Variants in METTL15 observed in about 807,000 individuals in gnomAD.
METTL15 encodes the protein methyltransferase 15, mitochondrial 12S rRNA N4-cytidine.
In METTL15, 34 loss-of-function variants were observed where a neutral mutation model predicts 38.3. The observed-to-expected ratio is 0.89, with a 90% CI of 0.68 to 1.18. METTL15 has a LOEUF of 1.18. Ranked by LOEUF, METTL15 falls within the 50% of genes most tolerant of loss-of-function variation. The pLI, the probability that METTL15 is intolerant of heterozygous loss-of-function variation, is 0.00. For missense variants in METTL15, 438 were observed against 498.4 expected (o/e 0.88, Z 1.15); for synonymous variants, 162 against 170.9 (o/e 0.95, Z 0.41).
At chr11:28,279,914 C>CAA (rs57284585) in intron 4 of METTL15, among the ~76,000 whole-genome samples, 3 of 81,666 alleles carry the variant, frequency 3.7e-5, no homozygotes, top group Non-Finnish European at 5.2e-5. Context: ...CAAAACAAAA[C>CAA]AAAAAAAAAA....
intron 3 of METTL15, among the ~76,000 whole-genome samples, chr11:28,119,080 G>GA (rs1852097648): frequency 6.6e-6 from 1 of 152,084 alleles, no homozygotes; most frequent in African/African-American, 2.4e-5. Flanking sequence ...CTTCAGGCCT[G>GA]GAGTCAGGTT....
At chr11:28,223,856 G>A (rs1158834091) in intron 4 of METTL15, among the ~76,000 whole-genome samples, 1 of 152,044 alleles carries the variant, frequency 6.6e-6, no homozygotes, top group Non-Finnish European at 1.5e-5. Context: ...TGAGGTGTTG[G>A]TTGACTTTTT....
At chr11:28,434,512 G>A (rs1850964336) in intron 6 of METTL15, among the ~76,000 whole-genome samples, 1 of 152,174 alleles carries the variant, frequency 6.6e-6, no homozygotes, top group Non-Finnish European at 1.5e-5. Context: ...TAAATTTAGA[G>A]ATGTCCATCT....
rs540205919 is a variant in METTL15 at position 28,330,761 on chromosome 11, G to T, written c.1144G>T (p.Val382Leu). 2 of 1,551,660 alleles carry T rather than the reference G, an allele frequency of 1.3e-6. No homozygotes were observed. The highest frequency in any genetic ancestry group is 1.4e-5 in the African/African-American group (1 of 73,046). Residue 382 changes from valine to leucine, a missense_variant, in exon 7 of 7, where the codon GTA becomes TTA. Coordinates refer to ENST00000407364, the MANE Select transcript of METTL15 (RefSeq NM_001113528.2). ...AATGTGGGAATTGATACACAAGAAG[G>T]TACTTAGTCCACAAGATCAGGATGT... ...PLMWELIHKK[V>L]LSPQDQDVQD...
At chr11:28,451,714 T>A (rs1467955670) in intron 6 of METTL15, among the ~76,000 whole-genome samples, 1 of 152,240 alleles carries the variant, frequency 6.6e-6, no homozygotes, top group Non-Finnish European at 1.5e-5. Context: ...TCGTTGGTGT[T>A]TCTGATGGCT....
chr11:28,383,769 A>G (rs974167270), intron 5 of METTL15, among the ~76,000 whole-genome samples: 19 of 151,982 alleles, frequency 1.3e-4, no homozygotes, highest in African/African-American at 4.6e-4. Flanking sequence ...CTTCTTTTCA[A>G]AAGTGTCTAT....
At chr11:28,495,086 T>C (rs955923583) in intron 6 of METTL15, among the ~76,000 whole-genome samples, 11 of 152,216 alleles carry the variant, frequency 7.2e-5, no homozygotes, top group African/African-American at 2.7e-4. Context: ...CTATTGTGCA[T>C]CTATTACATC....
intron 4 of METTL15, among the ~76,000 whole-genome samples, chr11:28,267,297 G>A (rs1269389072): frequency 6.6e-6 from 1 of 151,388 alleles, no homozygotes; most frequent in Non-Finnish European, 1.5e-5. Context: ...CCTCAAAATT[G>A]CCAGGCATGC....
intron 4 of METTL15, among the ~76,000 whole-genome samples, chr11:28,244,036 A>G (rs901202897): frequency 2.0e-5 from 3 of 152,180 alleles, no homozygotes; most frequent in African/African-American, 4.8e-5. Context: ...CTCAAAACAG[A>G]TGTTTTTTAA....
At chr11:28,380,052 A>G (rs1850364824) in intron 5 of METTL15, among the ~76,000 whole-genome samples, 1 of 151,986 alleles carries the variant, frequency 6.6e-6, no homozygotes, top group Non-Finnish European at 1.5e-5. Context: ...TTATTTCCAT[A>G]GAATATTTGT....
At chr11:28,322,871 C>T (rs1213718735) in intron 6 of METTL15, among the ~76,000 whole-genome samples, 1 of 152,170 alleles carries the variant, frequency 6.6e-6, no homozygotes, top group East Asian at 1.9e-4. Flanking sequence ...ATCTTATTTA[C>T]TATTGTGTTT....
intron 5 of METTL15, among the ~76,000 whole-genome samples, chr11:28,399,466 C>G (rs1850608525): frequency 6.6e-6 from 1 of 151,942 alleles, no homozygotes; most frequent in Non-Finnish European, 1.5e-5. Context: ...ATAAGACACA[C>G]TCATATTTGC....
chr11:28,219,176 G>T (rs1426263214), intron 4 of METTL15, among the ~76,000 whole-genome samples: 1 of 152,030 alleles, frequency 6.6e-6, no homozygotes, highest in Non-Finnish European at 1.5e-5. Flanking sequence ...TAGGCTGTGA[G>T]TCTGTCTGGT....
At chr11:28,514,338 G>T (rs1330484821) in intron 6 of METTL15, among the ~76,000 whole-genome samples, 1 of 152,166 alleles carries the variant, frequency 6.6e-6, no homozygotes, top group East Asian at 1.9e-4. Flanking sequence ...TGAATGATAT[G>T]ATATGTGTTT....
intron 6 of METTL15, among the ~76,000 whole-genome samples, chr11:28,471,069 G>A (rs895578098): frequency 9.9e-5 from 15 of 152,052 alleles, no homozygotes; most frequent in African/African-American, 3.6e-4. Flanking sequence ...ATGTGTTACA[G>A]ACATCACCTG....
chr11:28,138,771 A>G (rs549586592), intron 3 of METTL15, among the ~76,000 whole-genome samples: 28 of 152,334 alleles, frequency 1.8e-4, no homozygotes, highest in African/African-American at 5.8e-4. Context: ...CAAGCTCCCA[A>G]GGACGTAAAA....
intron 4 of METTL15, among the ~76,000 whole-genome samples, chr11:28,269,830 G>A (rs1209967343): frequency 7.2e-5 from 11 of 152,216 alleles, no homozygotes; most frequent in South Asian, 2.1e-4. Flanking sequence ...TCCTGAGCCG[G>A]CCTAGTGCCA....
rs868206637 is a variant in METTL15 at position 28,235,406 on chromosome 11, A to G, written c.407+24208A>G. ...ATAAATTACCTTGGGCAGTATGGCC[A>G]TTTTCACGATATTGATTCTTCCTAC... On this transcript the variant is annotated intron_variant, in intron 4 of 6. Coordinates refer to ENST00000407364, the MANE Select transcript of METTL15 (RefSeq NM_001113528.2). 9.2e-4 allele frequency among the ~76,000 whole-genome samples: 140 copies of G among 151,924 alleles called. 1 individual carries two copies. Among genetic ancestry groups the G allele is most frequent in the African/African-American group, 3.3e-3 (137 of 41,402 alleles).
intron 4 of METTL15, among the ~76,000 whole-genome samples, chr11:28,228,614 T>C (rs1446720372): frequency 6.6e-6 from 1 of 151,834 alleles, no homozygotes; most frequent in East Asian, 1.9e-4. Flanking sequence ...ATATATGTAT[T>C]GTAAGTTTCT....
Sources: gnomAD v4.1 joint callset for allele counts (sites outside exome capture counted in the v4.1 genomes callset) on GRCh38, gnomAD v4.1.1 for gene constraint, MANE v1.5 for transcripts, NCBI Gene and HGNC (gene_info 2026-07-23, HGNC 2026-07-21) for gene names.